The following JMJD1C variants were observed in gnomAD, a reference collection of about 807,000 sequenced individuals.
The protein encoded by JMJD1C is jumonji domain-containing protein 1C.
In JMJD1C, 31 loss-of-function variants were observed where a neutral mutation model predicts 245.3. The observed-to-expected ratio is 0.13, with a 90% CI of 0.09 to 0.17. The LOEUF is 0.17. Ranked by LOEUF, JMJD1C falls within the 10% of genes least tolerant of loss-of-function variation. JMJD1C has a pLI of 1.00. For synonymous variants in JMJD1C, 1,057 were observed against 1,017.4 expected (o/e 1.04, Z -0.74); for missense variants, 2,691 against 3,000.2 (o/e 0.90, Z 2.41).
Position 63,224,629 on chromosome 10 carries a change from T to C in JMJD1C, c.448-4646A>G, listed in dbSNP as rs1405594391. On this transcript the variant is annotated intron_variant, in intron 3 of 25. Coordinates refer to ENST00000399262, the MANE Select transcript of JMJD1C (RefSeq NM_032776.3). ...TGAATAATTTTGTAAAGGTGCTAAA[T>C]GTTAGACAGAAGTCAACAAGGCTGA... Among the ~76,000 whole-genome samples, 2 of 152,170 alleles carry C rather than the reference T, an allele frequency of 1.3e-5. 1 individual carries two copies. The highest frequency in any genetic ancestry group is 2.9e-5 in the Non-Finnish European group (2 of 68,034).
At chr10:63,515,671 G>A (rs1273364646) in intron 1 of JMJD1C, among the ~76,000 whole-genome samples, 1 of 152,178 alleles carries the variant, frequency 6.6e-6, no homozygotes, top group Non-Finnish European at 1.5e-5. Context: ...TCACTTATCT[G>A]AGGAATCTAA....
intron 21 of JMJD1C, among the ~76,000 whole-genome samples, chr10:63,183,941 T>G (rs1843786225): frequency 6.6e-6 from 1 of 152,254 alleles, no homozygotes; most frequent in African/African-American, 2.4e-5. Context: ...CAGTAATTCT[T>G]TTTTTGAGAA....
chr10:63,207,134 A>G lies in JMJD1C; in HGVS notation c.4535T>C (p.Leu1512Pro), dbSNP rs760661716. The G allele has an allele frequency of 1.1e-5, 17 of 1,614,140 alleles. No homozygotes were observed. The Middle Eastern group carries it at 6.6e-4, about 63-fold the overall frequency. Residue 1512 changes from leucine (L) to proline (P), a missense_variant, in exon 10 of 26, where the codon CTT becomes CCT. By Grantham distance (98) the Leu-to-Pro change is moderately conservative (BLOSUM62 -3). This residue lies in a region of JMJD1C where 1,562 missense variants were observed against 1,490.7 expected (regional missense o/e 1.05). Coordinates refer to ENST00000399262, the MANE Select transcript of JMJD1C (RefSeq NM_032776.3). ...TEPNAIKNQT[L>P]SASLPLDSTV... The stretch of plus-strand genomic sequence containing the variant: ...GCTATCCAGAGGAAGGGAGGCTGAA[A>G]GTGTCTGATTTTTTATAGCATTAGG...
In JMJD1C at chr10:63,250,843, C is replaced by G. The variant is rs559369327; in HGVS notation, c.447+13808G>C. ...GCAGCCTCGATCTCCTGGGCTCAAG[C>G]AATCCTCCCACCTCAGCCTCCCAAG... On this transcript the variant is annotated intron_variant, in intron 3 of 25. Coordinates refer to ENST00000399262, the MANE Select transcript of JMJD1C (RefSeq NM_032776.3). 2.6e-5 allele frequency among the ~76,000 whole-genome samples: 4 copies of G among 152,256 alleles called. No individual in the cohort carries two copies. In the South Asian group the frequency reaches 8.3e-4, roughly 32 times the overall value.
chr10:63,336,146 A>C (rs1010585231), intron 2 of JMJD1C, among the ~76,000 whole-genome samples: 1 of 151,758 alleles, frequency 6.6e-6, no homozygotes, highest in African/African-American at 2.4e-5. Context: ...AAAAGAAAAA[A>C]ACCACGTCTA....
intron 2 of JMJD1C, among the ~76,000 whole-genome samples, chr10:63,303,419 C>T (rs1362355569): frequency 6.6e-6 from 1 of 152,194 alleles, no homozygotes; most frequent in Non-Finnish European, 1.5e-5. Context: ...GATTCCCCTG[C>T]TTCAGCCTCA....
intron 2 of JMJD1C, among the ~76,000 whole-genome samples, chr10:63,333,832 C>G (rs1271085257): frequency 6.6e-6 from 1 of 152,128 alleles, no homozygotes; most frequent in African/African-American, 2.4e-5. Context: ...ACATAAGGGT[C>G]ATTTCACCTT....
At chr10:63,275,075 ATTACT>A (rs1856658493) in intron 2 of JMJD1C, among the ~76,000 whole-genome samples, 1 of 152,202 alleles carries the variant, frequency 6.6e-6, no homozygotes, top group South Asian at 2.1e-4. Context: ...ATTTAGTCCT[ATTACT>A]TTAATGTTAG....
chr10:63,220,019 G>A (rs777273476), intron 3 of JMJD1C, 36 bp from the exon 4 acceptor site: 21 of 1,457,820 alleles, frequency 1.4e-5, no homozygotes, highest in Middle Eastern at 3.5e-4. Context: ...TCCATGTTAC[G>A]CTCTCCTACC....
In JMJD1C at chr10:63,249,311, G is replaced by A. The variant is rs571077302; in HGVS notation, c.447+15340C>T. Among the ~76,000 whole-genome samples the A allele has an allele frequency of 3.9e-5, 6 of 152,082 alleles. 1 individual carries two copies. The South Asian group carries it at 1.2e-3, about 32-fold the overall frequency. ...AGCCTGGGTGACACAGTGAGACTCC[G>A]TCTCAAGAAAAAACAAAACAACAAC... On this transcript the variant is annotated intron_variant, in intron 3 of 25. Transcript: ENST00000399262.
chr10:63,322,284 T>C (rs1254259356), intron 2 of JMJD1C, among the ~76,000 whole-genome samples: 3 of 152,170 alleles, frequency 2.0e-5, no homozygotes, highest in African/African-American at 4.8e-5. Flanking sequence ...GGACTCTAAA[T>C]TTTCAGAATT....
At chr10:63,229,124 GGT>G (rs1313182815) in intron 3 of JMJD1C, among the ~76,000 whole-genome samples, 1 of 151,938 alleles carries the variant, frequency 6.6e-6, no homozygotes, top group East Asian at 1.9e-4. Context: ...TCTCTATGTA[GGT>G]GTGTGTGTGT....
In JMJD1C at chr10:63,192,922, A is replaced by G; in HGVS notation, c.6076+16T>C. The G allele has an allele frequency of 6.3e-7, 1 of 1,580,972 alleles. No homozygotes were observed. The highest frequency in any genetic ancestry group is 8.7e-7 in the Non-Finnish European group (1 of 1,150,430). ...ATACTCCTCTCACACATGCCTAGAT[A>G]ATCAATTATGTTTACCTTTTTTTTC... On this transcript the variant is annotated intron_variant, in intron 16 of 25. Coordinates refer to ENST00000399262, the MANE Select transcript of JMJD1C (RefSeq NM_032776.3).
chr10:63,196,326 ATTCT>A (rs1442220865), intron 13 of JMJD1C, among the ~76,000 whole-genome samples: 1 of 152,198 alleles, frequency 6.6e-6, no homozygotes, highest in Non-Finnish European at 1.5e-5. Flanking sequence ...TAATATAAAT[ATTCT>A]TTATCTTATT....
At chr10:63,467,257 C>A (rs1203039666), upstream of JMJD1C, among the ~76,000 whole-genome samples, 1 of 151,312 alleles carries the variant, frequency 6.6e-6, no homozygotes, top group African/African-American at 2.5e-5. Context: ...GCCTGTAATC[C>A]CTGCACTTTA....
At chr10:63,506,141 C>T (rs1281808157) in intron 1 of JMJD1C, among the ~76,000 whole-genome samples, 2 of 152,114 alleles carry the variant, frequency 1.3e-5, no homozygotes, top group Non-Finnish European at 2.9e-5. Flanking sequence ...TGTGAGTGTA[C>T]TCAGTCTTCC....
chr10:63,193,407 G>T lies in JMJD1C; in HGVS notation c.5800C>A (p.His1934Asn). The change falls in exon 15 of 26, where the codon CAT becomes AAT. Residue 1934 changes from histidine (H) to asparagine (N), a missense_variant. Physicochemically the swap from His to Asn is moderately conservative, Grantham distance 68. This residue lies in a region of JMJD1C where 275 missense variants were observed against 285.5 expected (regional missense o/e 0.96). Transcript: ENST00000399262. ...REKYGIKSHC[H>N]CTNKQNLQVG... ...TGTAAATTCTGTTTGTTAGTACAAT[G>T]ACAATGGGATTTAATACCATATTTT... The T allele has an allele frequency of 6.2e-7, 1 of 1,600,734 alleles. No homozygotes were observed. The highest frequency in any genetic ancestry group is 1.1e-5 in the South Asian group (1 of 89,980).
intron 3 of JMJD1C, among the ~76,000 whole-genome samples, chr10:63,258,421 T>G (rs891649225): frequency 2.0e-5 from 3 of 152,230 alleles, no homozygotes; most frequent in African/African-American, 7.2e-5. Flanking sequence ...ACAGATAATT[T>G]TGTTACTCTC....
chr10:63,181,787 G>A (rs756321287), intron 22 of JMJD1C, among the ~76,000 whole-genome samples: 7 of 152,322 alleles, frequency 4.6e-5, no homozygotes, highest in Middle Eastern at 3.4e-3. Context: ...AAGTGCTACA[G>A]GGAAAGATCT....
Sources: allele counts gnomAD v4.1 joint callset (sites outside exome capture counted in the v4.1 genomes callset), GRCh38; gene constraint gnomAD v4.1.1; regional missense constraint gnomAD v4.1.1; transcripts MANE v1.5; gene names NCBI Gene and HGNC (gene_info 2026-07-23, HGNC 2026-07-21).